Variants in ORC4 observed in about 807,000 individuals in gnomAD.
ORC4 encodes origin recognition complex, subunit 4 homolog.
Under a neutral mutation model 63.9 loss-of-function variants are expected in ORC4, and 55 were observed. That is an observed-to-expected ratio of 0.86 (90% confidence interval 0.69 to 1.08). The LOEUF (loss-of-function observed/expected upper bound fraction) is 1.08. ORC4 is among the 50% of genes least tolerant of loss of function. The probability of loss-of-function intolerance (pLI) is 0.00; values close to 1 mark genes in which losing one functional copy is unlikely to be tolerated. For synonymous variants in ORC4, 150 were observed against 168.5 expected (o/e 0.89, Z 0.85); for missense variants, 511 against 504.4 (o/e 1.01, Z -0.13).
At chr2:147,951,593 T>G (rs1688962196) in intron 8 of ORC4, 1 of 152,170 alleles carries the variant, frequency 6.6e-6, no homozygotes, top group African/African-American at 2.4e-5. Context: ...TGAAAACCCT[T>G]GCAACAAAGC....
intron 2 of ORC4, 44 bp downstream of exon 2, chr2:147,975,858 T>A: frequency 8.9e-7 from 1 of 1,117,592 alleles, no homozygotes; most frequent in Non-Finnish European, 1.4e-6. Flanking sequence ...CTGAACAGCT[T>A]TACAGGGTAA....
chr2:147,974,807 TAA>T (rs35378474), intron 2 of ORC4, among the ~76,000 whole-genome samples: 179 of 119,884 alleles, frequency 1.5e-3, no homozygotes, highest in East Asian at 2.4e-3. Flanking sequence ...ATCTTTTCCT[TAA>T]AAAAAAAAAA....
intron 1 of ORC4, among the ~76,000 whole-genome samples, chr2:147,988,931 A>AC (rs1196797449): frequency 3.9e-5 from 6 of 152,214 alleles, no homozygotes; most frequent in South Asian, 2.1e-4. Context: ...ATTAGGTGTT[A>AC]CCTATAAAAA....
chr2:147,973,185 C>A (rs1267135403), intron 3 of ORC4, among the ~76,000 whole-genome samples: 1 of 152,126 alleles, frequency 6.6e-6, no homozygotes, highest in African/African-American at 2.4e-5. Flanking sequence ...GTATTAAGGG[C>A]AAGATGGCTA....
intron 8 of ORC4, among the ~76,000 whole-genome samples, chr2:147,950,837 C>T (rs1688919899): frequency 1.3e-5 from 2 of 150,468 alleles, no homozygotes; most frequent in African/African-American, 4.9e-5. Flanking sequence ...TATATATATA[C>T]AATAAAAAAG....
At chr2:147,973,855 T>C (rs1441217388) in intron 2 of ORC4, among the ~76,000 whole-genome samples, 2 of 152,328 alleles carry the variant, frequency 1.3e-5, no homozygotes, top group East Asian at 1.9e-4. Context: ...TAAGCAGCTA[T>C]ATTTTGAGGT....
At chr2:147,998,101 C>T (rs1692078808) in intron 1 of ORC4, among the ~76,000 whole-genome samples, 1 of 152,068 alleles carries the variant, frequency 6.6e-6, no homozygotes, top group Non-Finnish European at 1.5e-5. Flanking sequence ...ACAAACCATA[C>T]AAGTGGTCAT....
chr2:147,995,694 C>T (rs369887645), intron 1 of ORC4, among the ~76,000 whole-genome samples: 2 of 151,992 alleles, frequency 1.3e-5, no homozygotes, highest in South Asian at 2.1e-4. Flanking sequence ...TGCGAAGGTC[C>T]GCTGCTTCAC....
At chr2:148,021,343 T>C, upstream of ORC4, 1 of 393,032 alleles carries the variant, frequency 2.5e-6, no homozygotes, top group Non-Finnish European at 5.1e-6. Flanking sequence ...CATCCACGAC[T>C]CCTACCCCCT....
At chr2:147,996,228 C>T (rs953460715) in intron 1 of ORC4, among the ~76,000 whole-genome samples, 6 of 151,962 alleles carry the variant, frequency 3.9e-5, no homozygotes, top group African/African-American at 1.4e-4. Flanking sequence ...CACTTGAACC[C>T]GGGAGGTGGA....
chr2:147,969,052 G>A (rs554046411), intron 4 of ORC4, among the ~76,000 whole-genome samples: 95 of 152,080 alleles, frequency 6.2e-4, no homozygotes, highest in Middle Eastern at 3.4e-3. Flanking sequence ...AACACCATGC[G>A]TTTTCACTCA....
intron 6 of ORC4, 109 bp downstream of exon 6, chr2:147,958,189 T>C (rs969213368): frequency 1.5e-6 from 1 of 681,688 alleles, no homozygotes; most frequent in African/African-American, 1.8e-5. Context: ...TATATTTCAA[T>C]TAAGAATTTC....
At chr2:148,006,349 A>G (rs1692629792) in intron 1 of ORC4, among the ~76,000 whole-genome samples, 1 of 152,282 alleles carries the variant, frequency 6.6e-6, no homozygotes, top group Non-Finnish European at 1.5e-5. Flanking sequence ...CATTCTGACT[A>G]AAGTAGTCTA....
rs1007540158 is a variant in ORC4 at position 147,930,852 on chromosome 2, CTA to C, written c.*4656_*4657del. On this transcript the variant is annotated 3_prime_UTR_variant, in exon 14 of 14. Coordinates refer to ENST00000392857, the MANE Select transcript of ORC4 (RefSeq NM_181741.4). The stretch of plus-strand genomic sequence containing the variant: ...ATTTGCATATGCAGTTTTTCTTTAG[CTA>C]TGTTTTTTTTTTTTTTTATACTTTA... 1.6e-4 allele frequency: 21 copies of C among 130,562 alleles called. 1 individual carries two copies. Among genetic ancestry groups the C allele is most frequent in the Non-Finnish European group, 1.9e-4 (12 of 63,014 alleles). The allele number at this position is 130,562 out of a possible 1,614,324, so 8.1% of individuals were successfully genotyped here.
chr2:147,970,223 A>G (rs1468148309), intron 4 of ORC4, among the ~76,000 whole-genome samples: 2 of 152,218 alleles, frequency 1.3e-5, no homozygotes, highest in African/African-American at 4.8e-5. Context: ...ATACTCCAAG[A>G]ACGGGAAGAC....
intron 1 of ORC4, among the ~76,000 whole-genome samples, chr2:148,009,837 T>G (rs992963736): frequency 6.6e-6 from 1 of 152,164 alleles, no homozygotes; most frequent in African/African-American, 2.4e-5. Flanking sequence ...ACAGAAGAGC[T>G]GAAGGGCTAA....
chr2:147,961,884 G>A (rs1201843684), intron 4 of ORC4, among the ~76,000 whole-genome samples: 8 of 152,230 alleles, frequency 5.3e-5, no homozygotes, highest in South Asian at 2.1e-4. Flanking sequence ...GTGCTATAAC[G>A]TGGAAGGGAA....
intron 1 of ORC4, among the ~76,000 whole-genome samples, chr2:147,995,579 CA>C (rs1171053636): frequency 6.6e-6 from 1 of 152,196 alleles, no homozygotes; most frequent in African/African-American, 2.4e-5. Flanking sequence ...CTGTAACACT[CA>C]CCAGGAGGGT....
At chr2:147,940,704 T>A (rs1399613586) in intron 10 of ORC4, among the ~76,000 whole-genome samples, 3 of 152,126 alleles carry the variant, frequency 2.0e-5, no homozygotes, top group Non-Finnish European at 4.4e-5. Context: ...TAACAGCATT[T>A]GCAGTGACCT....
Sources: allele counts gnomAD v4.1 joint callset (sites outside exome capture counted in the v4.1 genomes callset), GRCh38; gene constraint gnomAD v4.1.1; transcripts MANE v1.5; gene names NCBI Gene and HGNC (gene_info 2026-07-23, HGNC 2026-07-21).